DSCAM: variants seen among roughly 807,000 people sequenced by gnomAD.
DSCAM encodes cell adhesion molecule DSCAM.
Under a neutral mutation model 217.7 loss-of-function variants are expected in DSCAM, and 47 were observed. The observed-to-expected ratio is 0.22, with a 90% CI of 0.17 to 0.28. The LOEUF (loss-of-function observed/expected upper bound fraction) is 0.28. DSCAM is among the 10% of genes least tolerant of loss of function. The pLI, the probability that DSCAM is intolerant of heterozygous loss-of-function variation, is 1.00. For synonymous variants in DSCAM, 1,056 were observed against 1,015.3 expected (o/e 1.04, Z -0.76); for missense variants, 2,080 against 2,618.3 (o/e 0.79, Z 4.49).
In DSCAM at chr21:40,214,972, C is replaced by T. The variant is rs530612481; in HGVS notation, c.2357-25734G>A. Among the ~76,000 whole-genome samples the T allele has an allele frequency of 1.3e-4, 13 of 102,776 alleles. 3 individuals are homozygous for T. Among genetic ancestry groups the T allele is most frequent in the African/African-American group, 4.1e-4 (13 of 31,634 alleles). The allele number at this position is 102,776 out of a possible 152,430, so 67.4% of individuals were successfully genotyped here. On this transcript the variant is annotated intron_variant, in intron 11 of 32. Coordinates refer to ENST00000400454, the MANE Select transcript of DSCAM (RefSeq NM_001389.5). ...GGAATCCTCACGCCTGTAATCCCAG[C>T]ACTTTGGGAGGCCGAGGCGGGTGGA...
intron 6 of DSCAM, among the ~76,000 whole-genome samples, chr21:40,342,642 ATATATATTTT>A (rs2074508057): frequency 1.0e-5 from 1 of 95,518 alleles, no homozygotes; most frequent in Admixed American, 1.2e-4. Flanking sequence ...ATATATATAT[ATATATATTTT>A]TTTTTTTTTT....
At chr21:40,497,374 C>A (rs958420958) in intron 3 of DSCAM, among the ~76,000 whole-genome samples, 1 of 143,650 alleles carries the variant, frequency 7.0e-6, no homozygotes, top group African/African-American at 2.6e-5. Context: ...AAGCCAGACA[C>A]AAATGACAAA....
At chr21:40,064,448 A>G (rs1385302377) in intron 27 of DSCAM, among the ~76,000 whole-genome samples, 1 of 152,078 alleles carries the variant, frequency 6.6e-6, no homozygotes, top group South Asian at 2.1e-4. Context: ...GTTCATGGCA[A>G]TGTACTAAGG....
intron 3 of DSCAM, among the ~76,000 whole-genome samples, chr21:40,530,232 A>G (rs1448713645): frequency 2.0e-5 from 3 of 152,226 alleles, no homozygotes; most frequent in Non-Finnish European, 2.9e-5. Context: ...TCTTTTTAGA[A>G]TAATTTTCTT....
At chr21:40,540,926 C>T (rs1188098407) in intron 3 of DSCAM, among the ~76,000 whole-genome samples, 1 of 151,914 alleles carries the variant, frequency 6.6e-6, no homozygotes, top group Non-Finnish European at 1.5e-5. Flanking sequence ...TGGGGTTTCG[C>T]TGTGTGGCCC....
At chr21:40,609,633 C>T (rs2089287236) in intron 3 of DSCAM, among the ~76,000 whole-genome samples, 1 of 152,136 alleles carries the variant, frequency 6.6e-6, no homozygotes, top group Non-Finnish European at 1.5e-5. Flanking sequence ...AAGGGATGAA[C>T]TTCTGTGAGA....
chr21:40,199,941 T>TAA (rs150641631), intron 11 of DSCAM, among the ~76,000 whole-genome samples: 2 of 149,320 alleles, frequency 1.3e-5, no homozygotes, highest in Non-Finnish European at 3.0e-5. Flanking sequence ...AAAGTAAAAT[T>TAA]AAAAAAACAA....
At chr21:40,463,087 C>T (rs2075818525) in intron 3 of DSCAM, among the ~76,000 whole-genome samples, 2 of 152,076 alleles carry the variant, frequency 1.3e-5, no homozygotes, top group South Asian at 4.2e-4. Flanking sequence ...GATTGGTCCA[C>T]ATTTGACATA....
rs779396673 is a variant in DSCAM at position 40,016,015 on chromosome 21, C to A, written c.5687-2629G>T. Among the ~76,000 whole-genome samples the A allele has an allele frequency of 6.6e-6, 1 of 152,218 alleles. No individual in the cohort carries two copies. Among genetic ancestry groups the A allele is most frequent in the African/African-American group, 2.4e-5 (1 of 41,448 alleles). On this transcript the variant is annotated intron_variant, in intron 32 of 32. Coordinates refer to ENST00000400454, the MANE Select transcript of DSCAM (RefSeq NM_001389.5). The surrounding 1 kb of genome is among the most constrained non-coding windows in gnomAD (Gnocchi z 4.3). ...GAACCCAGGGAGCTGTTTCTGGCCACCTTGAGGTCTGAAGGACTCACCATC... is the reference window on the plus strand; with the variant it reads ...GAACCCAGGGAGCTGTTTCTGGCCAACTTGAGGTCTGAAGGACTCACCATC...
At chr21:40,585,180 T>TTTC (rs2076935494) in intron 3 of DSCAM, among the ~76,000 whole-genome samples, 8 of 16,358 alleles carry the variant, frequency 4.9e-4, no homozygotes, top group Non-Finnish European at 2.9e-4. Context: ...AATCAACTTC[T>TTTC]TTTTTTTTTT....
chr21:40,838,504 T>C lies in DSCAM; in HGVS notation c.43+8115A>G, dbSNP rs541225899. Among the ~76,000 whole-genome samples, 4 of 152,374 alleles carry C rather than the reference T, an allele frequency of 2.6e-5. No individual in the cohort carries two copies. The East Asian group carries it at 7.7e-4, about 29-fold the overall frequency. On this transcript the variant is annotated intron_variant, in intron 1 of 32. Coordinates refer to ENST00000400454, the MANE Select transcript of DSCAM (RefSeq NM_001389.5). ...GTCAACACTGGGAGTGGTATCACCA[T>C]ACTGCTGTTTTGCAGAAGCATCCAA...
chr21:40,474,917 G>C (rs564158702), intron 3 of DSCAM, among the ~76,000 whole-genome samples: 17 of 152,120 alleles, frequency 1.1e-4, no homozygotes, highest in Non-Finnish European at 2.1e-4. Flanking sequence ...ACCCACACCT[G>C]GGCACCTAGG....
Position 40,846,623 on chromosome 21 carries a change from C to A in DSCAM, c.39G>T (p.Ala13=). ...ATCACAAACCGAAAGGCTCACCATTCGCGAAGCTCTGGAACAAGGAGAGAG... is the reference window on the plus strand; with the variant it reads ...ATCACAAACCGAAAGGCTCACCATTAGCGAAGCTCTGGAACAAGGAGAGAG... ...ILALSLFQSF[A]NVFSEDLHSS... Residue 13 remains alanine, a synonymous_variant, in exon 1 of 33, where the codon GCG becomes GCT. Coordinates refer to ENST00000400454, the MANE Select transcript of DSCAM (RefSeq NM_001389.5). 1 of 1,346,836 alleles carries A rather than the reference C, an allele frequency of 7.4e-7. No homozygotes were observed. Among genetic ancestry groups the A allele is most frequent in the Non-Finnish European group, 9.6e-7 (1 of 1,044,610 alleles). 83.4% of individuals were successfully genotyped at this position (1,346,836 alleles called of 1,614,324 possible). A position where few individuals can be genotyped will look rare whatever the true frequency, so the allele number is the denominator to read the frequency against.
chr21:40,591,779 T>A (rs980969935), intron 3 of DSCAM, among the ~76,000 whole-genome samples: 5 of 152,232 alleles, frequency 3.3e-5, no homozygotes, highest in African/African-American at 1.2e-4. Flanking sequence ...CAAGTATACG[T>A]TGGCAATACA....
At chr21:40,636,870 G>A (rs920255220) in intron 3 of DSCAM, among the ~76,000 whole-genome samples, 22 of 149,224 alleles carry the variant, frequency 1.5e-4, no homozygotes, top group African/African-American at 4.7e-4. Context: ...ATCAGAGACA[G>A]GCAGCTAATA....
intron 29 of DSCAM, among the ~76,000 whole-genome samples, chr21:40,054,557 C>G (rs766795206): frequency 7.9e-5 from 12 of 152,228 alleles, no homozygotes; most frequent in Non-Finnish European, 1.5e-4. Context: ...GGCAGTTTAT[C>G]CAGACCACAA....
intron 3 of DSCAM, among the ~76,000 whole-genome samples, chr21:40,632,648 C>T (rs561362172): frequency 2.0e-5 from 3 of 152,196 alleles, no homozygotes; most frequent in Non-Finnish European, 1.5e-5. Flanking sequence ...CAAGATCACA[C>T]GACAGCACTG....
chr21:40,133,844 C>G lies in DSCAM; in HGVS notation c.3562+10G>C. 1 of 1,592,286 alleles carries G rather than the reference C, an allele frequency of 6.3e-7. No individual in the cohort carries two copies. Among genetic ancestry groups the G allele is most frequent in the Non-Finnish European group, 8.6e-7 (1 of 1,168,948 alleles). ...CAACTGCTGGGACCCACCGCCCACC[C>G]GTCTCTCACCATCCTCTTTGGTCCG... On this transcript the variant is annotated intron_variant, in intron 19 of 32. Transcript: ENST00000400454.
intron 16 of DSCAM, among the ~76,000 whole-genome samples, chr21:40,156,567 TGCTATAAA>T (rs1308590593): frequency 6.6e-6 from 1 of 152,180 alleles, no homozygotes; most frequent in Non-Finnish European, 1.5e-5. Flanking sequence ...AGTGGGGCAC[TGCTATAAA>T]GCTACCTGAA....
Sources: gnomAD v4.1 joint callset for allele counts (sites outside exome capture counted in the v4.1 genomes callset) on GRCh38, gnomAD v4.1.1 for gene constraint, Gnocchi (gnomAD v3.1) non-coding constraint, MANE v1.5 for transcripts, NCBI Gene and HGNC (gene_info 2026-07-23, HGNC 2026-07-21) for gene names.